The following STARD13 variants were observed in gnomAD, a reference collection of about 807,000 sequenced individuals.
STARD13 encodes the protein StAR related lipid transfer domain containing 13.
Under a neutral mutation model 106.4 loss-of-function variants are expected in STARD13, and 62 were observed. The observed-to-expected ratio is 0.58, with a 90% confidence interval of 0.48 to 0.72. STARD13 has a LOEUF of 0.72. Ranked by LOEUF, STARD13 falls within the 30% of genes least tolerant of loss-of-function variation. The pLI is 0.00. For missense variants in STARD13, 1,387 were observed against 1,424.0 expected (o/e 0.97, Z 0.42); for synonymous variants, 565 against 553.0 (o/e 1.02, Z -0.31).
At chr13:33,642,514 T>C in the STARD13 span, among the ~76,000 whole-genome samples, 2 of 152,176 alleles carry the variant, frequency 1.3e-5, no homozygotes, top group African/African-American at 2.4e-5. Context: ...CTGCAGAAAC[T>C]TGTCTCTTCT....
chr13:33,155,717 G>A (rs527337833), intron 3 of STARD13: 6 of 152,212 alleles, frequency 3.9e-5, no homozygotes, highest in Middle Eastern at 3.4e-3. Context: ...AACCTATTAT[G>A]TCTGTTCCTG....
chr13:33,349,032 G>C, exon 2 of STARD13: 1 of 679,492 alleles, frequency 1.5e-6, no homozygotes, highest in Non-Finnish European at 2.7e-6. Context: ...ATGGGTTTAA[G>C]GGCAGAACAC....
At chr13:33,475,386 G>A in the STARD13 span, among the ~76,000 whole-genome samples, 1 of 152,016 alleles carries the variant, frequency 6.6e-6, no homozygotes, top group Middle Eastern at 3.4e-3. Context: ...GTTTCTAATG[G>A]AAGGCTTGTA....
intron 3 of STARD13, among the ~76,000 whole-genome samples, chr13:33,162,234 A>G (rs1882718623): frequency 1.3e-5 from 2 of 152,216 alleles, no homozygotes. Flanking sequence ...TGCCTACGAC[A>G]CAGGGCACCA....
At chr13:33,131,762 C>T (rs1204526101) in intron 4 of STARD13, among the ~76,000 whole-genome samples, 5 of 152,158 alleles carry the variant, frequency 3.3e-5, no homozygotes, top group Non-Finnish European at 5.9e-5. Context: ...TTCCAAGTGT[C>T]AGTGATACCA....
At chr13:33,656,866 TA>T in the STARD13 span, 2 of 152,236 alleles carry the variant, frequency 1.3e-5, no homozygotes, top group African/African-American at 4.8e-5. Flanking sequence ...CTGCCCCAGG[TA>T]CTGTCAGTAG....
intron 1 of STARD13, among the ~76,000 whole-genome samples, chr13:33,320,543 T>C (rs1212209461): frequency 6.6e-6 from 1 of 152,254 alleles, no homozygotes; most frequent in Non-Finnish European, 1.5e-5. Context: ...GACTCCTATG[T>C]TTTCAGTCCT....
rs142864479 is a variant in STARD13 at position 33,330,799 on chromosome 13, C to T, written c.124+19491G>A. Among the ~76,000 whole-genome samples the T allele has an allele frequency of 6.7e-3, 1,020 of 152,204 alleles. 7 individuals carry two copies. Among genetic ancestry groups the T allele is most frequent in the Non-Finnish European group, 9.8e-3 (669 of 68,022 alleles). On this transcript the variant is annotated intron_variant, in intron 1 of 5. Coordinates refer to the STARD13 transcript ENST00000567873. ...AGGGCACCGAGGCTTGGAGTGAAGA[C>T]GCCCCCAGAGACCGGAAACCCAGAA...
At chr13:33,160,508 C>T (rs1482375054) in intron 3 of STARD13, among the ~76,000 whole-genome samples, 1 of 152,182 alleles carries the variant, frequency 6.6e-6, no homozygotes, top group African/African-American at 2.4e-5. Context: ...ATGCAAGCTA[C>T]AGCCTGGCAG....
At chr13:33,383,321 C>T in the STARD13 span, among the ~76,000 whole-genome samples, 1 of 151,800 alleles carries the variant, frequency 6.6e-6, no homozygotes, top group Admixed American at 6.6e-5. Context: ...TCGCTTGAGG[C>T]TAAAAGGTCG....
At chr13:33,365,717 C>A in the STARD13 span, among the ~76,000 whole-genome samples, 1 of 152,130 alleles carries the variant, frequency 6.6e-6, no homozygotes, top group Non-Finnish European at 1.5e-5. Flanking sequence ...TAACACTCAC[C>A]CATGAACTAT....
At chr13:33,260,656 T>C (rs981342658) in intron 1 of STARD13, among the ~76,000 whole-genome samples, 5 of 152,234 alleles carry the variant, frequency 3.3e-5, no homozygotes, top group African/African-American at 4.8e-5. Context: ...GAGCCTTTCA[T>C]GTACATGTTT....
intron 1 of STARD13, among the ~76,000 whole-genome samples, chr13:33,193,637 T>C (rs1485143782): frequency 6.6e-6 from 1 of 151,422 alleles, no homozygotes; most frequent in African/African-American, 2.4e-5. Context: ...AACCCAGACA[T>C]ACAGAAGCCC....
chr13:33,400,724 A>G, the STARD13 span, among the ~76,000 whole-genome samples: 1 of 152,104 alleles, frequency 6.6e-6, no homozygotes, highest in African/African-American at 2.4e-5. Context: ...TGGCCTCCCA[A>G]AGTGCTGGGA....
At chr13:33,463,418 C>A in the STARD13 span, among the ~76,000 whole-genome samples, 1 of 152,198 alleles carries the variant, frequency 6.6e-6, no homozygotes, top group Non-Finnish European at 1.5e-5. Context: ...TGGAAAGGGT[C>A]CATAACCTCC....
chr13:33,192,419 C>T (rs573348461), intron 1 of STARD13, among the ~76,000 whole-genome samples: 22 of 152,202 alleles, frequency 1.4e-4, no homozygotes, highest in African/African-American at 5.1e-4. Flanking sequence ...ATAAGTTGTA[C>T]GAGGAAAGTT....
At chr13:33,648,783 CTTTTTTTT>C in the STARD13 span, among the ~76,000 whole-genome samples, 6 of 77,008 alleles carry the variant, frequency 7.8e-5, no homozygotes, top group African/African-American at 1.8e-4. Context: ...TTTTCTCTTT[CTTTTTTTT>C]TTTTTTTTTT....
chr13:33,135,639 T>C (rs573464081), intron 4 of STARD13, among the ~76,000 whole-genome samples: 1 of 152,340 alleles, frequency 6.6e-6, no homozygotes, highest in Non-Finnish European at 1.5e-5. Context: ...GTGAATGGAA[T>C]ACCCTAAAGT....
At chr13:33,650,286 G>A in the STARD13 span, among the ~76,000 whole-genome samples, 1 of 134,792 alleles carries the variant, frequency 7.4e-6, no homozygotes, top group South Asian at 2.5e-4. Flanking sequence ...CGCCTCCCGG[G>A]TTCACGCCAT....
Sources: gnomAD v4.1 joint callset for allele counts (sites outside exome capture counted in the v4.1 genomes callset) on GRCh38, gnomAD v4.1.1 for gene constraint, MANE v1.5 for transcripts, NCBI Gene and HGNC (gene_info 2026-07-23, HGNC 2026-07-21) for gene names.